The following CDH4 variants were observed in gnomAD, a reference collection of about 807,000 sequenced individuals.
The protein encoded by CDH4 is cadherin 4.
In CDH4, 33 loss-of-function variants were observed where a neutral mutation model predicts 86.0. The observed-to-expected ratio is 0.38, with a 90% CI of 0.29 to 0.51. The LOEUF (loss-of-function observed/expected upper bound fraction) is 0.51. Ranked by LOEUF, CDH4 falls within the 20% of genes least tolerant of loss-of-function variation. The probability of loss-of-function intolerance (pLI) is 0.86; values close to 1 mark genes in which losing one functional copy is unlikely to be tolerated. For synonymous variants in CDH4, 555 were observed against 549.4 expected (o/e 1.01, Z -0.14); for missense variants, 1,114 against 1,307.4 (o/e 0.85, Z 2.28).
intron 2 of CDH4, among the ~76,000 whole-genome samples, chr20:61,310,905 C>G (rs983568997): frequency 1.3e-5 from 2 of 152,166 alleles, no homozygotes; most frequent in African/African-American, 4.8e-5. Flanking sequence ...CCTTAATCAC[C>G]ACTTCCAAGG....
At chr20:61,316,455 A>G (rs1308558716) in intron 2 of CDH4, among the ~76,000 whole-genome samples, 1 of 152,244 alleles carries the variant, frequency 6.6e-6, no homozygotes, top group Non-Finnish European at 1.5e-5. Flanking sequence ...TTGTTCCAAC[A>G]GAGACGGAAC....
chr20:61,789,258 A>G (rs1003328110), intron 4 of CDH4, among the ~76,000 whole-genome samples: 4 of 152,164 alleles, frequency 2.6e-5, no homozygotes, highest in Non-Finnish European at 5.9e-5. Flanking sequence ...CGATGGAGTT[A>G]TGTTTGATTT....
chr20:61,625,079 GGCCTCT>G (rs2086817589), intron 2 of CDH4, among the ~76,000 whole-genome samples: 1 of 152,154 alleles, frequency 6.6e-6, no homozygotes, highest in Non-Finnish European at 1.5e-5. Context: ...GAGATTCCTG[GGCCTCT>G]CGTGTTGCCC....
chr20:61,751,867 C>T (rs759550111), intron 3 of CDH4, among the ~76,000 whole-genome samples: 6 of 152,136 alleles, frequency 3.9e-5, no homozygotes, highest in Non-Finnish European at 7.4e-5. Flanking sequence ...AGTAAAATGA[C>T]CCCTACCTCA....
In CDH4 at chr20:61,252,404, C is replaced by G. The variant is rs1202482666; in HGVS notation, c.-110C>G. Reference sequence around the variant, plus strand: ...GAGGCTCCGGGCAGGCGCGGGGGAGCGGCGGCGGCGGCGGCGATCGGAGCG... The same window carrying G: ...GAGGCTCCGGGCAGGCGCGGGGGAGGGGCGGCGGCGGCGGCGATCGGAGCG... On this transcript the variant is annotated 5_prime_UTR_variant, in exon 1 of 16. Transcript: ENST00000614565. This position sits in a 1 kb window ranked among gnomAD's most constrained non-coding sequence, Gnocchi z 4.4. 1 of 326,114 alleles carries G rather than the reference C, an allele frequency of 3.1e-6. No individual in the cohort carries two copies. The highest frequency in any genetic ancestry group is 2.4e-5 in the African/African-American group (1 of 42,244). The allele number at this position is 326,114 out of a possible 1,614,324, so 20.2% of individuals were successfully genotyped here. A position where few individuals can be genotyped will look rare whatever the true frequency, so the allele number is the denominator to read the frequency against.
chr20:61,271,073 G>A (rs1373560269), intron 2 of CDH4, among the ~76,000 whole-genome samples: 4 of 152,176 alleles, frequency 2.6e-5, no homozygotes, highest in African/African-American at 9.7e-5. Context: ...GCTTTTGGTA[G>A]AATCCCTGAC....
chr20:61,398,964 G>A (rs996898305), intron 2 of CDH4, among the ~76,000 whole-genome samples: 20 of 152,190 alleles, frequency 1.3e-4, no homozygotes, highest in African/African-American at 4.8e-4. Context: ...CCATGGAGGT[G>A]TGATGCTGAT....
chr20:61,693,583 C>T (rs1043498467), intron 2 of CDH4, among the ~76,000 whole-genome samples: 6 of 152,226 alleles, frequency 3.9e-5, no homozygotes, highest in East Asian at 1.9e-4. Context: ...GCCCTGCGTC[C>T]GCTCCACTGC....
intron 7 of CDH4, among the ~76,000 whole-genome samples, chr20:61,875,077 G>A (rs933868382): frequency 1.3e-5 from 2 of 152,214 alleles, no homozygotes; most frequent in African/African-American, 4.8e-5. Flanking sequence ...GGACTGGCAA[G>A]GAAGTGGCAG....
At chr20:61,841,252 G>A (rs974801027) in intron 4 of CDH4, among the ~76,000 whole-genome samples, 13 of 152,194 alleles carry the variant, frequency 8.5e-5, no homozygotes, top group Non-Finnish European at 1.5e-4. Flanking sequence ...ATCAGGCCTC[G>A]GAGAAGCGCA....
At chr20:61,712,793 G>T (rs1403870385) in intron 2 of CDH4, among the ~76,000 whole-genome samples, 2 of 152,170 alleles carry the variant, frequency 1.3e-5, no homozygotes, top group Admixed American at 6.5e-5. Context: ...CCTCATGCTG[G>T]GCCCTGGTTC....
intron 2 of CDH4, among the ~76,000 whole-genome samples, chr20:61,409,821 A>G (rs2085106472): frequency 6.6e-6 from 1 of 152,266 alleles, no homozygotes; most frequent in Non-Finnish European, 1.5e-5. Context: ...GGTAGCTAAG[A>G]ATATTCAATG....
intron 2 of CDH4, among the ~76,000 whole-genome samples, chr20:61,263,169 T>C (rs1361844637): frequency 1.3e-5 from 2 of 152,158 alleles, no homozygotes; most frequent in East Asian, 3.9e-4. Context: ...TGCAGGCTCC[T>C]TCAGTCCCCA....
chr20:61,799,138 C>G (rs1057504769), intron 4 of CDH4, among the ~76,000 whole-genome samples: 1 of 152,158 alleles, frequency 6.6e-6, no homozygotes, highest in Non-Finnish European at 1.5e-5. Flanking sequence ...GTAATTAGCC[C>G]TTATAAATGT....
At chr20:61,490,184 T>C (rs1366313426) in intron 2 of CDH4, among the ~76,000 whole-genome samples, 2 of 152,220 alleles carry the variant, frequency 1.3e-5, no homozygotes, top group African/African-American at 4.8e-5. Flanking sequence ...AGCAGCTTTA[T>C]TCACAATAGG....
rs777328179 is a variant in CDH4 at position 61,772,996 on chromosome 20, A to G, written c.397-7A>G. 3.1e-6 allele frequency: 5 copies of G among 1,605,140 alleles called. No individual in the cohort carries two copies. The South Asian group carries it at 4.4e-5, about 14-fold the overall frequency. ...CTCTGCCTCTTCTCTCCCCTTTCCA[A>G]ATAAAGCCGCAGAAAGGAAAGAAGG... On this transcript the variant is annotated splice_polypyrimidine_tract_variant and splice_region_variant and intron_variant, in intron 3 of 15. Coordinates refer to ENST00000614565, the MANE Select transcript of CDH4 (RefSeq NM_001794.5).
chr20:61,498,888 A>G (rs2085680588), intron 2 of CDH4, among the ~76,000 whole-genome samples: 1 of 152,050 alleles, frequency 6.6e-6, no homozygotes, highest in African/African-American at 2.4e-5. Context: ...CTAGCCCTTT[A>G]CTCCAGCTGT....
intron 2 of CDH4, 115 bp from the exon 3 acceptor site, chr20:61,743,448 C>A: frequency 1.3e-6 from 1 of 748,556 alleles, no homozygotes; most frequent in Non-Finnish European, 2.3e-6. Flanking sequence ...TCAGTGCAAA[C>A]CTCATGCCCC....
intron 2 of CDH4, among the ~76,000 whole-genome samples, chr20:61,542,184 GTTAA>G (rs1398410193): frequency 6.6e-6 from 1 of 152,180 alleles, no homozygotes; most frequent in Non-Finnish European, 1.5e-5. Flanking sequence ...GGGGCAGGTT[GTTAA>G]TTCAGCAAAA....
Sources: gnomAD v4.1 joint callset for allele counts (sites outside exome capture counted in the v4.1 genomes callset) on GRCh38, gnomAD v4.1.1 for gene constraint, Gnocchi (gnomAD v3.1) non-coding constraint, MANE v1.5 for transcripts, NCBI Gene and HGNC (gene_info 2026-07-23, HGNC 2026-07-21) for gene names.